Variants in DLGAP2 observed in about 807,000 individuals in gnomAD.
DLGAP2 encodes disks large-associated protein 2.
In DLGAP2, 26 loss-of-function variants were observed where a neutral mutation model predicts 100.3. That is an observed-to-expected ratio of 0.26 (90% confidence interval 0.19 to 0.36). DLGAP2 has a LOEUF of 0.36. DLGAP2 is among the 10% of genes least tolerant of loss of function. DLGAP2 has a pLI of 1.00. For synonymous variants in DLGAP2, 886 were observed against 630.1 expected (o/e 1.41, Z -6.08); for missense variants, 1,858 against 1,453.2 (o/e 1.28, Z -4.53).
At chr8:1,502,902 G>A (rs1354859766) in intron 4 of DLGAP2, among the ~76,000 whole-genome samples, 1 of 152,148 alleles carries the variant, frequency 6.6e-6, no homozygotes, top group Non-Finnish European at 1.5e-5. Context: ...GGGTGGTTCT[G>A]CTTGGGCTCA....
At chr8:811,433 C>T (rs887881248) in intron 1 of DLGAP2, among the ~76,000 whole-genome samples, 3 of 146,464 alleles carry the variant, frequency 2.0e-5, no homozygotes, top group Non-Finnish European at 4.5e-5. Context: ...CACCAGCTTT[C>T]GGATGAAGCT....
intron 2 of DLGAP2, among the ~76,000 whole-genome samples, chr8:998,224 A>T (rs909019542): frequency 6.6e-6 from 1 of 152,260 alleles, no homozygotes; most frequent in South Asian, 2.1e-4. Context: ...ATGCATGCAC[A>T]CACGGGTTGG....
At chr8:1,512,811 C>T (rs1800216648) in intron 4 of DLGAP2, among the ~76,000 whole-genome samples, 1 of 152,248 alleles carries the variant, frequency 6.6e-6, no homozygotes, top group African/African-American at 2.4e-5. Flanking sequence ...CCAACATTTT[C>T]TAAAGACAGG....
In DLGAP2 at chr8:1,669,760, G is replaced by C. The variant is rs776545620; in HGVS notation, c.2178G>C (p.Glu726Asp). 1.3e-6 allele frequency: 1 copy of C among 780,796 alleles called. No individual in the cohort carries two copies. The highest frequency in any genetic ancestry group is 2.4e-5 in the East Asian group (1 of 41,250). 48.4% of individuals were successfully genotyped at this position (780,796 alleles called of 1,614,324 possible). Residue 726 changes from glutamate (E) to aspartate (D), a missense_variant, in exon 10 of 15, where the codon GAG becomes GAC. Coordinates refer to ENST00000637795, the MANE Select transcript of DLGAP2 (RefSeq NM_001346810.2). ...TTGTTTAGGATTCTGAATTCCCAGA[G>C]CATCAGCCATACCCAAGGTCAGATG... ...SIGIQDSEFP[E>D]HQPYPRSDVE...
chr8:1,163,262 C>A (rs890448442), intron 2 of DLGAP2, among the ~76,000 whole-genome samples: 3 of 152,204 alleles, frequency 2.0e-5, no homozygotes, highest in African/African-American at 7.2e-5. Context: ...TCTGGGGAGT[C>A]CCCTGTTCTG....
intron 1 of DLGAP2, among the ~76,000 whole-genome samples, chr8:748,199 G>GCC (rs1820697469): frequency 1.2e-5 from 1 of 82,884 alleles, no homozygotes; most frequent in South Asian, 4.2e-4. Context: ...GTGGGATGGG[G>GCC]GGCTCTGCGG....
intron 2 of DLGAP2, among the ~76,000 whole-genome samples, chr8:999,336 C>T (rs992569762): frequency 2.0e-5 from 3 of 151,904 alleles, no homozygotes; most frequent in African/African-American, 4.8e-5. Context: ...GTTACCTCTT[C>T]TCTCACTTTT....
chr8:1,568,498 G>A (rs1399015969), intron 6 of DLGAP2, among the ~76,000 whole-genome samples: 3 of 142,492 alleles, frequency 2.1e-5, no homozygotes. Context: ...TCTGCCCGTG[G>A]CCCCCATGCC....
intron 2 of DLGAP2, among the ~76,000 whole-genome samples, chr8:1,229,131 T>A (rs370261724): frequency 6.6e-6 from 1 of 152,144 alleles, no homozygotes; most frequent in Non-Finnish European, 1.5e-5. Context: ...ATACTGCCAA[T>A]GTACAATACA....
At chr8:1,562,560 G>A (rs1802211692) in intron 5 of DLGAP2, among the ~76,000 whole-genome samples, 1 of 45,492 alleles carries the variant, frequency 2.2e-5, no homozygotes, top group Non-Finnish European at 4.1e-5. Context: ...TTGGGTGTCC[G>A]TGCCTCGTTG....
intron 2 of DLGAP2, among the ~76,000 whole-genome samples, chr8:1,183,297 TAAATA>T (rs544945474): frequency 1.2e-3 from 176 of 152,240 alleles, no homozygotes; most frequent in Non-Finnish European, 2.0e-3. Flanking sequence ...GTTCACACAA[TAAATA>T]AAATAACTAC....
intron 3 of DLGAP2, among the ~76,000 whole-genome samples, chr8:1,379,987 T>TC (rs942447444): frequency 1.3e-5 from 2 of 151,794 alleles, no homozygotes; most frequent in Admixed American, 6.6e-5. Flanking sequence ...GGTGCTCTCT[T>TC]CAATTCTCTT....
intron 2 of DLGAP2, among the ~76,000 whole-genome samples, chr8:1,051,073 T>G: frequency 8.5e-6 from 1 of 117,358 alleles, no homozygotes; most frequent in Non-Finnish European, 1.7e-5. Context: ...GGTCATTTTG[T>G]GGTGGGGTCT....
chr8:821,565 A>G (rs1326939326), intron 1 of DLGAP2, among the ~76,000 whole-genome samples: 1 of 152,242 alleles, frequency 6.6e-6, no homozygotes, highest in African/African-American at 2.4e-5. Context: ...AACATGCTAC[A>G]CTGAATTTCA....
intron 2 of DLGAP2, among the ~76,000 whole-genome samples, chr8:1,173,165 G>C (rs1365596701): frequency 2.0e-5 from 3 of 152,198 alleles, no homozygotes; most frequent in Admixed American, 2.0e-4. Flanking sequence ...CAGTTTGCCT[G>C]GGTATCGGCA....
chr8:1,586,911 T>G lies in DLGAP2; in HGVS notation c.1442+21017T>G, dbSNP rs145648155. 4.5e-4 allele frequency among the ~76,000 whole-genome samples: 69 copies of G among 152,320 alleles called. 1 individual carries two copies. Among genetic ancestry groups the G allele is most frequent in the Non-Finnish European group, 5.9e-4 (40 of 68,036 alleles). ...GTGGCTCCCTCTGAAGCTTTTATGCTTTCACCTTCATCAGTGCAGCTAAGG... is the reference window on the plus strand; with the variant it reads ...GTGGCTCCCTCTGAAGCTTTTATGCGTTCACCTTCATCAGTGCAGCTAAGG... On this transcript the variant is annotated intron_variant, in intron 6 of 14. Coordinates refer to ENST00000637795, the MANE Select transcript of DLGAP2 (RefSeq NM_001346810.2).
At chr8:745,877 C>G (rs1047500265) in intron 1 of DLGAP2, among the ~76,000 whole-genome samples, 5 of 152,218 alleles carry the variant, frequency 3.3e-5, no homozygotes, top group Admixed American at 2.0e-4. Flanking sequence ...AAAGACCAGA[C>G]TGGAAGGATA....
intron 4 of DLGAP2, among the ~76,000 whole-genome samples, chr8:1,541,737 G>A (rs1286633947): frequency 1.3e-5 from 2 of 152,198 alleles, no homozygotes; most frequent in African/African-American, 2.4e-5. Context: ...TATCTGGATG[G>A]TGGATTAAGT....
intron 1 of DLGAP2, among the ~76,000 whole-genome samples, chr8:891,978 G>GTT (rs1798044613): frequency 6.6e-6 from 1 of 152,260 alleles, no homozygotes; most frequent in African/African-American, 2.4e-5. Flanking sequence ...AACACTGCAC[G>GTT]TAAGTGTGCA....
Sources: gnomAD v4.1 joint callset for allele counts (sites outside exome capture counted in the v4.1 genomes callset) on GRCh38, gnomAD v4.1.1 for gene constraint, MANE v1.5 for transcripts, NCBI Gene and HGNC (gene_info 2026-07-23, HGNC 2026-07-21) for gene names.